The following MBNL2 variants were observed in gnomAD, a reference collection of about 807,000 sequenced individuals.
MBNL2 encodes the protein muscleblind-like protein 2.
A neutral mutation model predicts 41.9 loss-of-function variants in MBNL2; 17 were observed. That is an observed-to-expected ratio of 0.41 (90% CI 0.28 to 0.61). The LOEUF (loss-of-function observed/expected upper bound fraction) is 0.61. Ranked by LOEUF, MBNL2 falls within the 20% of genes least tolerant of loss-of-function variation. MBNL2 has a pLI of 0.35. For synonymous variants in MBNL2, 195 were observed against 182.9 expected, an observed-to-expected ratio of 1.07 and a Z score of -0.53; for missense variants, 336 against 505.6, an observed-to-expected ratio of 0.66 and a Z score of 3.22.
intron 8 of MBNL2, among the ~76,000 whole-genome samples, chr13:97,386,276 G>A (rs1425045723): frequency 3.3e-5 from 5 of 152,344 alleles, no homozygotes; most frequent in African/African-American, 4.8e-5. Flanking sequence ...AGTGGATATT[G>A]CCTTCAAGAA....
chr13:97,160,583 C>A, the MBNL2 span, among the ~76,000 whole-genome samples: 1 of 152,154 alleles, frequency 6.6e-6, no homozygotes, highest in African/African-American at 2.4e-5. Context: ...TGCACACACA[C>A]ACATACCCAT....
chr13:97,205,261 C>A, the MBNL2 span, among the ~76,000 whole-genome samples: 1 of 148,898 alleles, frequency 6.7e-6, no homozygotes, highest in African/African-American at 2.5e-5. Context: ...CTTGGTGACA[C>A]ATGCCTGTAA....
chr13:97,196,741 G>A, the MBNL2 span, among the ~76,000 whole-genome samples: 1 of 152,164 alleles, frequency 6.6e-6, no homozygotes, highest in African/African-American at 2.4e-5. Context: ...GTGGTGTGAA[G>A]GAGAGACAAA....
At chr13:97,252,499 G>T (rs1211900060) in intron 1 of MBNL2, among the ~76,000 whole-genome samples, 1 of 152,038 alleles carries the variant, frequency 6.6e-6, no homozygotes, top group Non-Finnish European at 1.5e-5. Context: ...TAGATGACAA[G>T]AATCTACAAA....
At chr13:97,374,216 C>T (rs1271090468) in intron 8 of MBNL2, among the ~76,000 whole-genome samples, 1 of 151,750 alleles carries the variant, frequency 6.6e-6, no homozygotes, top group Non-Finnish European at 1.5e-5. Flanking sequence ...GGCGCGATCT[C>T]GGCTCACTGC....
At chr13:97,353,196 C>A (rs1240649198) in intron 5 of MBNL2, among the ~76,000 whole-genome samples, 2 of 152,170 alleles carry the variant, frequency 1.3e-5, no homozygotes, top group African/African-American at 2.4e-5. Flanking sequence ...GAGGATCTTG[C>A]AGCATTGTCA....
intron 4 of MBNL2, 88 bp downstream of exon 4, chr13:97,343,304 T>C (rs1038713918): frequency 2.0e-6 from 2 of 1,020,428 alleles, no homozygotes; most frequent in African/African-American, 3.2e-5. Flanking sequence ...ATTAATTCAG[T>C]CTTGCAAAAC....
the MBNL2 span, among the ~76,000 whole-genome samples, chr13:97,156,168 T>A: frequency 4.4e-5 from 5 of 113,530 alleles, no homozygotes; most frequent in Non-Finnish European, 8.9e-5. Context: ...CATTTTTTCA[T>A]GTGTTTTTTG....
chr13:97,225,964 G>A (rs559390152), intron 1 of MBNL2, among the ~76,000 whole-genome samples: 38 of 152,184 alleles, frequency 2.5e-4, no homozygotes, highest in Admixed American at 2.4e-3. Context: ...GACTTAACCG[G>A]GCTTTGTAAA....
chr13:97,305,617 T>A (rs1275798908), intron 2 of MBNL2, among the ~76,000 whole-genome samples: 1 of 151,678 alleles, frequency 6.6e-6, no homozygotes, highest in African/African-American at 2.4e-5. Context: ...TACAAAAAAT[T>A]AGCTGGATGT....
the MBNL2 span, among the ~76,000 whole-genome samples, chr13:97,155,731 C>A: frequency 7.2e-5 from 11 of 151,998 alleles, no homozygotes; most frequent in Middle Eastern, 3.4e-3. Context: ...TGAACTCATC[C>A]TTTTTTATGG....
At chr13:97,161,928 T>A in the MBNL2 span, among the ~76,000 whole-genome samples, 1 of 152,212 alleles carries the variant, frequency 6.6e-6, no homozygotes, top group African/African-American at 2.4e-5. Flanking sequence ...AGTCCATTCT[T>A]GCATTGTTAT....
chr13:97,341,023 G>A (rs1255283558), intron 3 of MBNL2, among the ~76,000 whole-genome samples: 1 of 152,156 alleles, frequency 6.6e-6, no homozygotes, highest in Non-Finnish European at 1.5e-5. Flanking sequence ...GGAGGGTTGA[G>A]AATTTGCTTC....
chr13:97,352,200 C>CA (rs61587559), intron 5 of MBNL2, among the ~76,000 whole-genome samples: 50,405 of 151,950 alleles, frequency 0.33, 11,528 homozygotes, highest in African/African-American at 0.66. Flanking sequence ...ACTGGAGTAG[C>CA]ACTTTTAATT....
intron 1 of MBNL2, among the ~76,000 whole-genome samples, chr13:97,231,006 A>G (rs140449690): frequency 3.9e-5 from 6 of 152,314 alleles, no homozygotes; most frequent in African/African-American, 1.4e-4. Flanking sequence ...CTCAAAATGT[A>G]TATATTTTGG....
the MBNL2 span, among the ~76,000 whole-genome samples, chr13:97,202,944 G>A: frequency 2.0e-5 from 3 of 152,158 alleles, no homozygotes; most frequent in African/African-American, 4.8e-5. Context: ...GAAAGGAATT[G>A]CTCAGTGTTG....
chr13:97,386,798 A>G (rs758607993), intron 8 of MBNL2, among the ~76,000 whole-genome samples: 2 of 152,158 alleles, frequency 1.3e-5, no homozygotes, highest in Non-Finnish European at 2.9e-5. Flanking sequence ...CTTAAATCCA[A>G]CCACCTAGGG....
chr13:97,208,390 C>A, the MBNL2 span, among the ~76,000 whole-genome samples: 1 of 152,162 alleles, frequency 6.6e-6, no homozygotes, highest in African/African-American at 2.4e-5. Context: ...AGGCAGGGGA[C>A]AACATACCTC....
chr13:97,283,999 C>A (rs2053935565), intron 2 of MBNL2, among the ~76,000 whole-genome samples: 1 of 152,168 alleles, frequency 6.6e-6, no homozygotes, highest in South Asian at 2.1e-4. Flanking sequence ...AGAGAGAAAG[C>A]CCCTTTCCTG....
Sources: gnomAD v4.1 joint callset for allele counts (sites outside exome capture counted in the v4.1 genomes callset) on GRCh38, gnomAD v4.1.1 for gene constraint, MANE v1.5 for transcripts, NCBI Gene and HGNC (gene_info 2026-07-23, HGNC 2026-07-21) for gene names.